Variants in RARB observed in about 807,000 individuals in gnomAD.
RARB encodes the protein HBV-activated protein.
Under a neutral mutation model 51.9 loss-of-function variants are expected in RARB, and 17 were observed. The observed-to-expected ratio is 0.33, with a 90% confidence interval of 0.22 to 0.49. The LOEUF is 0.49. Among genes scored for constraint, RARB ranks in the 20% least tolerant of loss-of-function variants. The probability of loss-of-function intolerance (pLI) is 0.99; values close to 1 mark genes in which losing one functional copy is unlikely to be tolerated. For synonymous variants in RARB, 215 were observed against 195.4 expected (o/e 1.10, Z -0.84); for missense variants, 369 against 550.8 (o/e 0.67, Z 3.30).
intron 5 of RARB, among the ~76,000 whole-genome samples, chr3:25,189,245 A>G (rs1701043736): frequency 6.6e-6 from 1 of 152,192 alleles, no homozygotes; most frequent in Admixed American, 6.5e-5. Context: ...CCCTGTCTCC[A>G]GGTACATCGC....
intron 2 of RARB, among the ~76,000 whole-genome samples, chr3:24,961,995 T>TG: frequency 7.5e-6 from 1 of 132,754 alleles, no homozygotes; most frequent in African/African-American, 2.9e-5. Flanking sequence ...AATGGCGCTA[T>TG]CATGGCTCAC....
chr3:25,150,865 C>T (rs1011623277), intron 4 of RARB, among the ~76,000 whole-genome samples: 12 of 152,132 alleles, frequency 7.9e-5, no homozygotes, highest in Admixed American at 2.0e-4. Context: ...ACCTAGACAA[C>T]GGTGTGCATG....
Position 25,176,339 on chromosome 3 carries a change from TTCCTTCCTTCCTTCCTTCCTTCC to T in RARB, c.178+1766_178+1788del. On this transcript the variant is annotated intron_variant, in intron 5 of 11. Transcript: ENST00000383772. The stretch of plus-strand genomic sequence containing the variant: ...TTTCTTTCTTTCTTTCTTTCTTTCC[TTCCTTCCTTCCTTCCTTCCTTCC>T]TTCCTTCCTTCCTTCCTTCCTTCCT... 6.6e-3 allele frequency among the ~76,000 whole-genome samples: 472 copies of T among 71,496 alleles called. 8 individuals carry two copies. The highest frequency in any genetic ancestry group is 0.046 in the South Asian group (79 of 1,704). 46.9% of individuals were successfully genotyped at this position (71,496 alleles called of 152,430 possible). A position where few individuals can be genotyped will look rare whatever the true frequency, so the allele number is the denominator to read the frequency against.
chr3:25,348,252 C>T (rs1321480570), intron 5 of RARB, among the ~76,000 whole-genome samples: 1 of 152,056 alleles, frequency 6.6e-6, no homozygotes, highest in Non-Finnish European at 1.5e-5. Flanking sequence ...TATATAAAAA[C>T]AGATATATAA....
chr3:25,222,349 T>C (rs1274853341), intron 5 of RARB, among the ~76,000 whole-genome samples: 2 of 152,194 alleles, frequency 1.3e-5, no homozygotes, highest in African/African-American at 2.4e-5. Context: ...TTATTGCTGA[T>C]GTTCTTACTC....
intron 5 of RARB, among the ~76,000 whole-genome samples, chr3:25,377,020 T>C (rs1575354427): frequency 6.6e-6 from 1 of 152,094 alleles, no homozygotes; most frequent in Admixed American, 6.6e-5. Flanking sequence ...TAGTTTAGTT[T>C]GTTTGTTTGT....
At chr3:25,153,162 A>G (rs959706717) in intron 4 of RARB, among the ~76,000 whole-genome samples, 1 of 122,976 alleles carries the variant, frequency 8.1e-6, no homozygotes, top group African/African-American at 2.8e-5. Flanking sequence ...GTGTGTGTGC[A>G]TGCGTGCGTG....
intron 2 of RARB, among the ~76,000 whole-genome samples, chr3:25,008,754 C>T (rs529010404): frequency 6.6e-6 from 1 of 152,194 alleles, no homozygotes; most frequent in East Asian, 1.9e-4. Context: ...TCTCCTCAAC[C>T]CTGCCTGATT....
intron 5 of RARB, among the ~76,000 whole-genome samples, chr3:25,339,462 A>C (rs1375073129): frequency 6.6e-6 from 1 of 152,138 alleles, no homozygotes. Context: ...TTTTCTGTCC[A>C]TAAATCTTCC....
intron 3 of RARB, among the ~76,000 whole-genome samples, chr3:25,126,595 A>G (rs528969513): frequency 1.3e-3 from 195 of 152,276 alleles, no homozygotes; most frequent in Admixed American, 2.1e-3. Flanking sequence ...TTCTGATTCA[A>G]TGGGTCTGGA....
At position 25,247,143 on chromosome 3, in the gene RARB, T is replaced by C. The variant is rs142745296; in HGVS notation, c.178+72568T>C. ...CTGCGAGGGGAAAATCGCCTACTCA[T>C]GCCTCAGTAATGGCAGATGCCCTTC... On this transcript the variant is annotated intron_variant, in intron 5 of 11. Transcript: ENST00000383772. 8.8e-4 allele frequency among the ~76,000 whole-genome samples: 134 copies of C among 152,308 alleles called. 1 individual carries two copies. In the East Asian group the frequency reaches 0.025, roughly 29 times the overall value.
Position 25,445,932 on chromosome 3 carries a change from T to C in RARB, c.158-15261T>C, listed in dbSNP as rs528057624. Among the ~76,000 whole-genome samples, 4 of 152,328 alleles carry C rather than the reference T, an allele frequency of 2.6e-5. No individual in the cohort carries two copies. In the South Asian group the frequency reaches 8.3e-4, roughly 32 times the overall value. On this transcript the variant is annotated intron_variant, in intron 1 of 7. Transcript: ENST00000330688. Reference sequence around the variant, plus strand: ...TGAGAGTGCATTTCATTTTGTCTTATGGAGCTCTAAAAAAATCCATGTAAT... The same window carrying C: ...TGAGAGTGCATTTCATTTTGTCTTACGGAGCTCTAAAAAAATCCATGTAAT...
At chr3:25,151,014 A>G (rs1394476704) in intron 4 of RARB, among the ~76,000 whole-genome samples, 3 of 152,246 alleles carry the variant, frequency 2.0e-5, no homozygotes, top group Non-Finnish European at 4.4e-5. Flanking sequence ...AGAAGTGGGC[A>G]GTTGGCTCAG....
intron 5 of RARB, among the ~76,000 whole-genome samples, chr3:25,420,799 G>A (rs1575388301): frequency 6.6e-6 from 1 of 152,180 alleles, no homozygotes; most frequent in South Asian, 2.1e-4. Flanking sequence ...GTGGATGGAT[G>A]AGTAAATGGA....
intron 4 of RARB, among the ~76,000 whole-genome samples, chr3:25,169,375 T>C (rs1700607214): frequency 6.6e-6 from 1 of 152,198 alleles, no homozygotes; most frequent in African/African-American, 2.4e-5. Flanking sequence ...GTGGAATTCA[T>C]TTATCACATG....
chr3:25,124,209 C>T (rs1398705352), intron 3 of RARB, among the ~76,000 whole-genome samples: 2 of 152,116 alleles, frequency 1.3e-5, no homozygotes, highest in African/African-American at 4.8e-5. Flanking sequence ...TTTGTCTCTA[C>T]TACAAATAAG....
intron 5 of RARB, among the ~76,000 whole-genome samples, chr3:25,355,345 G>A (rs1705702156): frequency 6.6e-6 from 1 of 152,024 alleles, no homozygotes; most frequent in African/African-American, 2.4e-5. Flanking sequence ...TCTTCTAAGG[G>A]CAGGGTTTTC....
chr3:24,987,892 C>G (rs1322475031), intron 2 of RARB, among the ~76,000 whole-genome samples: 3 of 152,062 alleles, frequency 2.0e-5, no homozygotes, highest in African/African-American at 7.2e-5. Context: ...AAAACCAAAA[C>G]AAAATAACAC....
At chr3:24,877,508 C>T (rs947619648) in intron 2 of RARB, among the ~76,000 whole-genome samples, 1 of 151,476 alleles carries the variant, frequency 6.6e-6, no homozygotes, top group South Asian at 2.1e-4. Context: ...GTGACTTCAT[C>T]CTCCTACACA....
Sources: gnomAD v4.1 joint callset for allele counts (sites outside exome capture counted in the v4.1 genomes callset) on GRCh38, gnomAD v4.1.1 for gene constraint, MANE v1.5 for transcripts, NCBI Gene and HGNC (gene_info 2026-07-23, HGNC 2026-07-21) for gene names.